CHST11: variants seen among roughly 807,000 people sequenced by gnomAD.
CHST11 encodes carbohydrate sulfotransferase 11.
CHST11 carries 9 observed loss-of-function variants against 30.4 expected under a neutral mutation model. The ratio of observed to expected loss-of-function variants is 0.30; its 90% CI spans 0.18 to 0.52. CHST11 has a LOEUF of 0.52. CHST11 is among the 20% of genes least tolerant of loss of function. The pLI, the probability that CHST11 is intolerant of heterozygous loss-of-function variation, is 0.97. For missense variants in CHST11, 348 were observed against 460.6 expected, an observed-to-expected ratio of 0.76 and a Z score of 2.24; for synonymous variants, 152 against 187.8, an observed-to-expected ratio of 0.81 and a Z score of 1.56.
chr12:104,510,110 T>G (rs1228123181), intron 1 of CHST11, among the ~76,000 whole-genome samples: 2 of 152,318 alleles, frequency 1.3e-5, no homozygotes, highest in East Asian at 3.9e-4. Context: ...CTTCTCCCAT[T>G]CCACTGGCCA....
chr12:104,611,858 A>G (rs1163153554), intron 2 of CHST11, among the ~76,000 whole-genome samples: 1 of 152,216 alleles, frequency 6.6e-6, no homozygotes, highest in Non-Finnish European at 1.5e-5. Context: ...ATAAGACGTT[A>G]TGTGACTAGT....
intron 2 of CHST11, among the ~76,000 whole-genome samples, chr12:104,748,862 A>G (rs898652170): frequency 2.7e-4 from 41 of 152,214 alleles, no homozygotes; most frequent in African/African-American, 9.9e-4. Flanking sequence ...AGAACCCAGC[A>G]AGCTGTGTTC....
chr12:104,509,017 G>C (rs2037936142), intron 1 of CHST11, among the ~76,000 whole-genome samples: 1 of 151,880 alleles, frequency 6.6e-6, no homozygotes, highest in South Asian at 2.1e-4. Context: ...ACCCCTGCCA[G>C]GTTATCTTCC....
At chr12:104,537,125 A>G (rs979204351) in intron 1 of CHST11, among the ~76,000 whole-genome samples, 2 of 152,268 alleles carry the variant, frequency 1.3e-5, no homozygotes, top group African/African-American at 4.8e-5. Flanking sequence ...TGCTGAAAAT[A>G]TACCAGCTCA....
chr12:104,521,904 G>C (rs1475125763), intron 1 of CHST11, among the ~76,000 whole-genome samples: 2 of 152,132 alleles, frequency 1.3e-5, no homozygotes. Context: ...CCAGGCTGGG[G>C]CAGGCTGAAC....
At chr12:104,707,002 T>G (rs1340036845) in intron 2 of CHST11, among the ~76,000 whole-genome samples, 1 of 152,160 alleles carries the variant, frequency 6.6e-6, no homozygotes, top group Non-Finnish European at 1.5e-5. Flanking sequence ...ACAGTCGTCC[T>G]CCCACCTCCT....
At chr12:104,590,576 A>T (rs1025285801) in intron 1 of CHST11, among the ~76,000 whole-genome samples, 2 of 152,216 alleles carry the variant, frequency 1.3e-5, no homozygotes, top group African/African-American at 4.8e-5. Context: ...AACAGACAAC[A>T]GCCAATAAAG....
At chr12:104,565,850 G>C (rs545852473) in intron 1 of CHST11, among the ~76,000 whole-genome samples, 1 of 152,302 alleles carries the variant, frequency 6.6e-6, no homozygotes, top group South Asian at 2.1e-4. Context: ...AGAGAGAAAG[G>C]AACACTGTGT....
chr12:104,487,951 C>T (rs555999685), intron 1 of CHST11, among the ~76,000 whole-genome samples: 1 of 151,316 alleles, frequency 6.6e-6, no homozygotes, highest in East Asian at 1.9e-4. Context: ...CTTTGTTTTC[C>T]AGGCTGGAGT....
intron 2 of CHST11, among the ~76,000 whole-genome samples, chr12:104,631,756 A>G (rs888365286): frequency 1.3e-5 from 2 of 152,186 alleles, no homozygotes; most frequent in African/African-American, 4.8e-5. Flanking sequence ...TTGTTAAAAA[A>G]TGATTAAGAA....
At position 104,490,101 on chromosome 12, in the gene CHST11, T is replaced by C. The variant is rs78214827; in HGVS notation, c.118+32572T>C. On this transcript the variant is annotated intron_variant, in intron 1 of 2. Transcript: ENST00000303694. ...CTGGGGCAGCATTCAGCTTTCTAGT[T>C]GGATTAGGCAACAGAATCCTTTGAA... 0.012 allele frequency among the ~76,000 whole-genome samples: 1,797 copies of C among 152,326 alleles called. 62 individuals carry two copies. The East Asian group carries it at 0.14, about 12-fold the overall frequency.
intron 2 of CHST11, among the ~76,000 whole-genome samples, chr12:104,636,073 A>G (rs1370475417): frequency 6.6e-6 from 1 of 152,210 alleles, no homozygotes; most frequent in African/African-American, 2.4e-5. Flanking sequence ...GATTGTGACC[A>G]TGATCACCCC....
At chr12:104,644,764 T>C (rs563996972) in intron 2 of CHST11, among the ~76,000 whole-genome samples, 4 of 152,188 alleles carry the variant, frequency 2.6e-5, no homozygotes, top group Non-Finnish European at 5.9e-5. Flanking sequence ...TGGACCTCCA[T>C]CTCAGATCTG....
intron 2 of CHST11, among the ~76,000 whole-genome samples, chr12:104,620,022 G>A (rs917915905): frequency 2.6e-5 from 4 of 152,168 alleles, no homozygotes; most frequent in Non-Finnish European, 4.4e-5. Context: ...TTCCCGGTGA[G>A]CCTTCATCCT....
chr12:104,639,562 G>A (rs1180424706), intron 2 of CHST11, among the ~76,000 whole-genome samples: 1 of 152,182 alleles, frequency 6.6e-6, no homozygotes, highest in Non-Finnish European at 1.5e-5. Flanking sequence ...TGGGATTTTA[G>A]GGATCTTTAT....
At chr12:104,679,462 G>C (rs1333068955) in intron 2 of CHST11, among the ~76,000 whole-genome samples, 1 of 152,166 alleles carries the variant, frequency 6.6e-6, no homozygotes, top group African/African-American at 2.4e-5. Context: ...AGTCTCCCTT[G>C]AGCAGAACTC....
intron 2 of CHST11, among the ~76,000 whole-genome samples, chr12:104,698,872 C>T (rs2039969939): frequency 2.0e-5 from 3 of 152,192 alleles, no homozygotes; most frequent in African/African-American, 7.2e-5. Flanking sequence ...TTTGAATTTA[C>T]TCTTTATACT....
chr12:104,469,844 C>T (rs2037491060), intron 1 of CHST11, among the ~76,000 whole-genome samples: 1 of 152,186 alleles, frequency 6.6e-6, no homozygotes, highest in African/African-American at 2.4e-5. Flanking sequence ...TGAAATAGTC[C>T]CTGTTAGGCT....
chr12:104,753,079 C>G (rs1286082770), intron 2 of CHST11, among the ~76,000 whole-genome samples: 1 of 152,236 alleles, frequency 6.6e-6, no homozygotes, highest in African/African-American at 2.4e-5. Context: ...GTCACACACT[C>G]TGGCTCAAGT....
Sources: gnomAD v4.1 joint callset for allele counts (sites outside exome capture counted in the v4.1 genomes callset) on GRCh38, gnomAD v4.1.1 for gene constraint, MANE v1.5 for transcripts, NCBI Gene and HGNC (gene_info 2026-07-23, HGNC 2026-07-21) for gene names.